The following PDE1C variants were observed in gnomAD, a reference collection of about 807,000 sequenced individuals.
PDE1C encodes phosphodiesterase 1C, also known as dual specificity calcium/calmodulin-dependent 3',5'-cyclic nucleotide phosphodiesterase 1C.
A neutral mutation model predicts 93.1 loss-of-function variants in PDE1C; 62 were observed. That is an observed-to-expected ratio of 0.67 (90% CI 0.54 to 0.82). The LOEUF (loss-of-function observed/expected upper bound fraction) is 0.82, where lower values mean the gene tolerates loss of function less well. Among genes scored for constraint, PDE1C ranks in the 40% least tolerant of loss-of-function variants. The pLI, the probability that PDE1C is intolerant of heterozygous loss-of-function variation, is 0.00. For missense variants in PDE1C, 742 were observed against 884.6 expected (o/e 0.84, Z 2.04); for synonymous variants, 325 against 310.1 (o/e 1.05, Z -0.50).
the PDE1C span, among the ~76,000 whole-genome samples, chr7:31,731,318 C>T: frequency 6.6e-6 from 1 of 152,062 alleles, no homozygotes; most frequent in East Asian, 2.0e-4. Context: ...CTTCAGGAGC[C>T]CTAGCCAATC....
intron 9 of PDE1C, among the ~76,000 whole-genome samples, chr7:31,844,224 T>C (rs1215283836): frequency 6.6e-6 from 1 of 151,634 alleles, no homozygotes; most frequent in Non-Finnish European, 1.5e-5. Flanking sequence ...TTCCAATAAA[T>C]ATTTAGATTT....
intron 2 of PDE1C, among the ~76,000 whole-genome samples, chr7:32,043,694 T>C (rs1331126449): frequency 6.6e-6 from 1 of 152,138 alleles, no homozygotes; most frequent in Non-Finnish European, 1.5e-5. Context: ...TAAAATACTC[T>C]CAGTGTTTCC....
intron 3 of PDE1C, among the ~76,000 whole-genome samples, chr7:32,077,085 C>A: frequency 6.6e-6 from 1 of 152,074 alleles, no homozygotes; most frequent in East Asian, 1.9e-4. Context: ...ACTAAAAACA[C>A]AAAAAGTAGC....
intron 1 of PDE1C, among the ~76,000 whole-genome samples, chr7:32,220,510 A>G (rs972795978): frequency 1.3e-5 from 2 of 152,220 alleles, no homozygotes; most frequent in Non-Finnish European, 2.9e-5. Context: ...ACCATCAGAA[A>G]GCACATTAAG....
intron 2 of PDE1C, among the ~76,000 whole-genome samples, chr7:32,049,311 T>A (rs1793025150): frequency 6.6e-6 from 1 of 152,212 alleles, no homozygotes; most frequent in African/African-American, 2.4e-5. Flanking sequence ...TTCCTCTCAA[T>A]GACTCGTGCA....
chr7:31,828,327 T>A lies in PDE1C; in HGVS notation c.1250A>T (p.Asp417Val). Residue 417 changes from aspartate to valine, a missense_variant, in exon 12 of 18, where the codon GAC (aspartate) becomes GTC (valine). This residue lies in a region of PDE1C where 454 missense variants were observed against 459.4 expected (regional missense o/e 0.99). Transcript: ENST00000396191. ...ELGLPFSPLC[D>V]RKSTMVAQSQ... The stretch of plus-strand genomic sequence containing the variant: ...CTGAGCAACCATAGTGGACTTTCGG[T>A]CACACAGAGGAGAAAAAGGCAGCCC... 1 of 1,612,616 alleles carries A rather than the reference T, an allele frequency of 6.2e-7. No individual in the cohort carries two copies. Among genetic ancestry groups the A allele is most frequent in the Non-Finnish European group, 8.5e-7 (1 of 1,178,968 alleles).
At chr7:32,118,624 T>G (rs1428974730) in intron 3 of PDE1C, among the ~76,000 whole-genome samples, 1 of 152,120 alleles carries the variant, frequency 6.6e-6, no homozygotes, top group Non-Finnish European at 1.5e-5. Context: ...TGGCATCTGG[T>G]GGAAAGGCAA....
intron 3 of PDE1C, among the ~76,000 whole-genome samples, chr7:32,139,755 G>A (rs1800413226): frequency 6.6e-6 from 1 of 152,164 alleles, no homozygotes; most frequent in African/African-American, 2.4e-5. Context: ...GTCAGCTGGA[G>A]AAGGAAGGAT....
chr7:31,881,436 G>A (rs1247118008), intron 2 of PDE1C, among the ~76,000 whole-genome samples: 1 of 152,124 alleles, frequency 6.6e-6, no homozygotes, highest in Non-Finnish European at 1.5e-5. Flanking sequence ...GAAAATATGA[G>A]GATTGATTTT....
the PDE1C span, among the ~76,000 whole-genome samples, chr7:31,659,372 GGA>G: frequency 6.6e-6 from 1 of 152,168 alleles, no homozygotes; most frequent in East Asian, 1.9e-4. Flanking sequence ...TACATTGGAA[GGA>G]GAGGTTTCCT....
chr7:31,623,729 A>G, the PDE1C span, among the ~76,000 whole-genome samples: 1 of 141,894 alleles, frequency 7.0e-6, no homozygotes, highest in Non-Finnish European at 1.5e-5. Flanking sequence ...TGAAACCTCT[A>G]TCACCACGCC....
intron 2 of PDE1C, among the ~76,000 whole-genome samples, chr7:31,953,920 G>A (rs1454567219): frequency 6.6e-6 from 1 of 152,156 alleles, no homozygotes; most frequent in Non-Finnish European, 1.5e-5. Flanking sequence ...ATTTTGATAG[G>A]AATAATTTAA....
intron 1 of PDE1C, among the ~76,000 whole-genome samples, chr7:32,320,676 CAT>C (rs145724175): frequency 0.02 from 3,109 of 152,264 alleles, 70 homozygotes; most frequent in African/African-American, 0.052. Flanking sequence ...AAAAGTTTCA[CAT>C]ATGTGTTAAT....
At chr7:32,368,518 T>C (rs1784265902) in intron 1 of PDE1C, among the ~76,000 whole-genome samples, 1 of 151,990 alleles carries the variant, frequency 6.6e-6, no homozygotes, top group Non-Finnish European at 1.5e-5. Context: ...AAAAACAAAT[T>C]GGAAAACAGC....
chr7:31,795,770 T>A (rs1415172301), intron 16 of PDE1C, among the ~76,000 whole-genome samples: 1 of 151,704 alleles, frequency 6.6e-6, no homozygotes, highest in Non-Finnish European at 1.5e-5. Context: ...CAATCTCATA[T>A]AATATATAAT....
chr7:31,628,903 G>A, the PDE1C span, among the ~76,000 whole-genome samples: 2 of 152,110 alleles, frequency 1.3e-5, no homozygotes, highest in African/African-American at 2.4e-5. Context: ...ACTCAACAAG[G>A]ACAATGTTTC....
At chr7:32,388,458 A>C (rs1441440318) in intron 1 of PDE1C, among the ~76,000 whole-genome samples, 2 of 152,126 alleles carry the variant, frequency 1.3e-5, no homozygotes, top group East Asian at 1.9e-4. Context: ...GCTGGATTAG[A>C]GGACCTCCAA....
intron 1 of PDE1C, among the ~76,000 whole-genome samples, chr7:32,062,877 T>C (rs886891615): frequency 7.2e-5 from 11 of 152,158 alleles, no homozygotes; most frequent in Non-Finnish European, 1.3e-4. Context: ...CCTTCAACTA[T>C]ATGAACAAAA....
chr7:32,081,093 C>T (rs952954738), intron 3 of PDE1C, among the ~76,000 whole-genome samples: 4 of 152,318 alleles, frequency 2.6e-5, no homozygotes, highest in South Asian at 4.1e-4. Flanking sequence ...CTGCCAGTAC[C>T]GCCATGGAAA....
Sources: allele counts gnomAD v4.1 joint callset (sites outside exome capture counted in the v4.1 genomes callset), GRCh38; gene constraint gnomAD v4.1.1; regional missense constraint gnomAD v4.1.1; transcripts MANE v1.5; gene names NCBI Gene and HGNC (gene_info 2026-07-23, HGNC 2026-07-21).